Variants in PIBF1 observed in about 807,000 individuals in gnomAD.
PIBF1 encodes progesterone-induced-blocking factor 1.
A neutral mutation model predicts 112.5 loss-of-function variants in PIBF1; 90 were observed. That is an observed-to-expected ratio of 0.80 (90% CI 0.67 to 0.95). PIBF1 has a LOEUF of 0.95. Ranked by LOEUF, PIBF1 falls within the 40% of genes least tolerant of loss-of-function variation. PIBF1 has a pLI of 0.00. For missense variants in PIBF1, 915 were observed against 852.3 expected (o/e 1.07, Z -0.92); for synonymous variants, 301 against 288.6 (o/e 1.04, Z -0.44).
Position 72,791,155 on chromosome 13 carries a change from C to T in PIBF1, c.253-1292C>T, listed in dbSNP as rs530450019. ...CTGCAACCTCCGCCTCCCGGGTTCA[C>T]GCGATTCTCCTGCCTCAGCCTCCCG... On this transcript the variant is annotated intron_variant, in intron 2 of 17. Transcript: ENST00000326291. Among the ~76,000 whole-genome samples the T allele has an allele frequency of 3.5e-4, 53 of 152,016 alleles. No homozygotes were observed. In the South Asian group the frequency reaches 4.0e-3, roughly 11 times the overall value.
chr13:72,949,300 CTTTTTTTTTTTTTTTTTT>C lies in PIBF1; in HGVS notation c.1834-15958_1834-15941del, dbSNP rs71099771. 5.5e-5 allele frequency among the ~76,000 whole-genome samples: 3 copies of C among 54,980 alleles called. No homozygotes were observed. The South Asian group carries it at 2.7e-3, about 49-fold the overall frequency. The allele number at this position is 54,980 out of a possible 152,430, so 36.1% of individuals were successfully genotyped here. A position where few individuals can be genotyped will look rare whatever the true frequency, so the allele number is the denominator to read the frequency against. On this transcript the variant is annotated intron_variant, in intron 14 of 17. Coordinates refer to ENST00000326291, the MANE Select transcript of PIBF1 (RefSeq NM_006346.4). The stretch of plus-strand genomic sequence containing the variant: ...AACTACTACCTAGACAAATAGCTGT[CTTTTTTTTTTTTTTTTTT>C]TTTTTTTTTTTTTTTGAGACAGAGT...
At chr13:72,948,801 A>G (rs1051978997) in intron 14 of PIBF1, among the ~76,000 whole-genome samples, 2 of 152,234 alleles carry the variant, frequency 1.3e-5, no homozygotes, top group African/African-American at 4.8e-5. Flanking sequence ...GGAGAAGTGC[A>G]GAACAAAGGG....
chr13:72,956,965 T>C (rs1258876793), intron 14 of PIBF1, among the ~76,000 whole-genome samples: 2 of 152,220 alleles, frequency 1.3e-5, no homozygotes, highest in Non-Finnish European at 2.9e-5. Context: ...TGCAAAGTGA[T>C]ACCACCTCAC....
intron 4 of PIBF1, among the ~76,000 whole-genome samples, 174 bp downstream of exon 4, chr13:72,795,731 G>C (rs2035161713): frequency 6.6e-6 from 1 of 152,154 alleles, no homozygotes; most frequent in Non-Finnish European, 1.5e-5. Flanking sequence ...GATCTCCAAA[G>C]TCAAGCAATA....
chr13:72,819,964 A>G (rs1227677736), intron 5 of PIBF1, among the ~76,000 whole-genome samples: 1 of 151,760 alleles, frequency 6.6e-6, no homozygotes, highest in Non-Finnish European at 1.5e-5. Flanking sequence ...CCATCCTTTA[A>G]TGTTTATATT....
chr13:72,897,460 C>T lies in PIBF1; in HGVS notation c.1488+3511C>T, dbSNP rs565339610. 3.3e-4 allele frequency among the ~76,000 whole-genome samples: 51 copies of T among 152,288 alleles called. No homozygotes were observed. The South Asian group carries it at 0.01, about 31-fold the overall frequency. On this transcript the variant is annotated intron_variant, in intron 11 of 17. Transcript: ENST00000326291. Reference sequence around the variant, plus strand: ...AAGCATGATGAATGCAATGGTACCTCACATTTCAGTACTAACATTAGATGT... The same window carrying T: ...AAGCATGATGAATGCAATGGTACCTTACATTTCAGTACTAACATTAGATGT...
At chr13:72,978,569 A>G (rs1470438994) in intron 16 of PIBF1, among the ~76,000 whole-genome samples, 1 of 152,144 alleles carries the variant, frequency 6.6e-6, no homozygotes, top group African/African-American at 2.4e-5. Context: ...AAAACTTTGT[A>G]ATTTAATGTG....
At chr13:72,807,585 A>T (rs932879038) in intron 5 of PIBF1, among the ~76,000 whole-genome samples, 9 of 142,086 alleles carry the variant, frequency 6.3e-5, no homozygotes, top group Non-Finnish European at 4.7e-5. Context: ...AAAAAAAAAA[A>T]TTTAATACAT....
At position 72,839,735 on chromosome 13, in the gene PIBF1, A is replaced by T. The variant is rs564843587; in HGVS notation, c.1223+4367A>T. ...ATTTTTTAGGTTTTTGCTGTTTTTT[A>T]AAAAAAAATCTTTAAAGTTTATCCC... On this transcript the variant is annotated intron_variant, in intron 9 of 17. Coordinates refer to ENST00000326291, the MANE Select transcript of PIBF1 (RefSeq NM_006346.4). Among the ~76,000 whole-genome samples the T allele has an allele frequency of 1.1e-4, 17 of 151,762 alleles. No homozygotes were observed. The East Asian group carries it at 1.4e-3, about 12-fold the overall frequency.
At chr13:72,978,195 GC>G (rs1566511331) in intron 16 of PIBF1, among the ~76,000 whole-genome samples, 1 of 152,182 alleles carries the variant, frequency 6.6e-6, no homozygotes, top group Non-Finnish European at 1.5e-5. Context: ...TTAATGTCAT[GC>G]CTTCTGCTTT....
intron 10 of PIBF1, among the ~76,000 whole-genome samples, chr13:72,858,194 G>A (rs1243925143): frequency 1.3e-5 from 2 of 152,026 alleles, no homozygotes; most frequent in Non-Finnish European, 2.9e-5. Context: ...TGGGATTACA[G>A]GCACGTGCCA....
At chr13:72,850,642 CA>C (rs952173535) in intron 9 of PIBF1, among the ~76,000 whole-genome samples, 2 of 152,174 alleles carry the variant, frequency 1.3e-5, no homozygotes, top group Non-Finnish European at 2.9e-5. Flanking sequence ...GCCGAAATAA[CA>C]TATAGAATAA....
chr13:72,836,074 T>G (rs2037347767), intron 9 of PIBF1: 1 of 446,200 alleles, frequency 2.2e-6, no homozygotes, highest in Non-Finnish European at 4.5e-6. Flanking sequence ...ACTCCAGCCT[T>G]GGCGAAAGTG....
At chr13:72,933,529 G>A (rs1594225913) in intron 14 of PIBF1, among the ~76,000 whole-genome samples, 1 of 152,214 alleles carries the variant, frequency 6.6e-6, no homozygotes, top group Admixed American at 6.5e-5. Flanking sequence ...GGGCATGATG[G>A]CACATGCCTG....
intron 11 of PIBF1, among the ~76,000 whole-genome samples, chr13:72,906,605 G>C (rs1039091260): frequency 6.6e-6 from 1 of 151,932 alleles, no homozygotes; most frequent in Non-Finnish European, 1.5e-5. Flanking sequence ...TCTAATATGG[G>C]GTACTAGAGG....
At chr13:72,901,513 C>A (rs960982953) in intron 11 of PIBF1, among the ~76,000 whole-genome samples, 1 of 152,012 alleles carries the variant, frequency 6.6e-6, no homozygotes, top group Admixed American at 6.6e-5. Context: ...ACATGTGAAA[C>A]CCTGTCTACT....
At chr13:72,922,714 A>G (rs1383518075) in intron 13 of PIBF1, among the ~76,000 whole-genome samples, 1 of 152,250 alleles carries the variant, frequency 6.6e-6, no homozygotes, top group African/African-American at 2.4e-5. Context: ...TGTGTATGAC[A>G]AACATGTTTT....
In PIBF1 at chr13:73,015,885, C is replaced by A; in HGVS notation, c.2240C>A (p.Pro747His). The change falls in exon 18 of 18, where the codon CCT becomes CAT. Residue 747 changes from proline (P) to histidine (H), a missense_variant. Coordinates refer to ENST00000326291, the MANE Select transcript of PIBF1 (RefSeq NM_006346.4). ...TTTAAACAGACTAAAAAAGAAGCAC[C>A]TGAGTGGTCTAAGAAACAAAAGATG... ...KPTLFTKKEA[P>H]EWSKKQKMKT 6.3e-7 allele frequency: 1 copy of A among 1,585,998 alleles called. No homozygotes were observed. Among genetic ancestry groups the A allele is most frequent in the Non-Finnish European group, 8.6e-7 (1 of 1,164,490 alleles).
At chr13:72,946,803 C>G (rs530637970) in intron 14 of PIBF1, among the ~76,000 whole-genome samples, 2 of 152,326 alleles carry the variant, frequency 1.3e-5, no homozygotes, top group Admixed American at 6.5e-5. Context: ...CACATTGATG[C>G]AAGAGGTGGG....
Sources: allele counts gnomAD v4.1 joint callset (sites outside exome capture counted in the v4.1 genomes callset), GRCh38; gene constraint gnomAD v4.1.1; transcripts MANE v1.5; gene names NCBI Gene and HGNC (gene_info 2026-07-23, HGNC 2026-07-21).